SCOC: variants seen among roughly 807,000 people sequenced by gnomAD.
SCOC encodes the protein short coiled coil protein.
A neutral mutation model predicts 9.9 loss-of-function variants in SCOC; 7 were observed. That is an observed-to-expected ratio of 0.71 (90% CI 0.40 to 1.33). The LOEUF is 1.33. Among genes scored for constraint, SCOC ranks in the 40% most tolerant of loss-of-function variants. SCOC has a pLI of 0.01. For missense variants in SCOC, 66 were observed against 89.7 expected (o/e 0.74, Z 1.07); for synonymous variants, 19 against 28.2 (o/e 0.67, Z 1.03).
chr4:140,373,681 G>A lies in SCOC; in HGVS notation c.-87G>A. 1 of 1,550,688 alleles carries A rather than the reference G, an allele frequency of 6.4e-7. No individual in the cohort carries two copies. The highest frequency in any genetic ancestry group is 8.7e-7 in the Non-Finnish European group (1 of 1,146,928). ...CCAAGTGTCCCGGCCTGAGGTGTCG[G>A]CCGGATCCCTCCTTCTCCCGGCGCC... On this transcript the variant is annotated 5_prime_UTR_variant, in exon 1 of 4. Coordinates refer to ENST00000608372, the MANE Select transcript of SCOC (RefSeq NM_001153484.2).
At chr4:140,320,954 C>A (rs368817462) in intron 1 of SCOC, among the ~76,000 whole-genome samples, 1 of 152,100 alleles carries the variant, frequency 6.6e-6, no homozygotes. Context: ...TAAGAGGTCG[C>A]CCCTCTCCCT....
At chr4:140,366,623 C>T (rs2126569414) in intron 2 of SCOC, 1 of 1,606,640 alleles carries the variant, frequency 6.2e-7, no homozygotes, top group East Asian at 2.2e-5. Context: ...TTGATGTTTG[C>T]CTTCTGCCAG....
intron 2 of SCOC, among the ~76,000 whole-genome samples, chr4:140,354,347 T>C (rs1727112810): frequency 6.6e-6 from 1 of 152,152 alleles, no homozygotes; most frequent in Admixed American, 6.5e-5. Flanking sequence ...AAATGGAATT[T>C]CTGTAATAAA....
At chr4:140,373,930 T>G (rs1401143380) in intron 1 of SCOC, 10 of 699,784 alleles carry the variant, frequency 1.4e-5, no homozygotes, top group African/African-American at 1.4e-4. Context: ...CCTGTTTTCG[T>G]TGTCAGGCCC....
chr4:140,319,716 T>A (rs993563775), intron 1 of SCOC, among the ~76,000 whole-genome samples: 16 of 151,936 alleles, frequency 1.1e-4, no homozygotes, highest in Non-Finnish European at 2.2e-4. Flanking sequence ...AGCTCGGAGA[T>A]TTAAGAGGTT....
At chr4:140,292,184 T>C (rs1244051599) in intron 1 of SCOC, among the ~76,000 whole-genome samples, 1 of 142,508 alleles carries the variant, frequency 7.0e-6, no homozygotes, top group African/African-American at 3.0e-5. Context: ...AGCGGTACTC[T>C]TCTGGTTTTT....
intron 1 of SCOC, among the ~76,000 whole-genome samples, chr4:140,269,168 A>T (rs373390626): frequency 5.9e-5 from 9 of 152,242 alleles, no homozygotes; most frequent in African/African-American, 2.2e-4. Context: ...ACATTATGGG[A>T]TAGTTTAGAA....
chr4:140,356,328 C>A (rs866128392), intron 2 of SCOC, among the ~76,000 whole-genome samples: 2 of 152,164 alleles, frequency 1.3e-5, no homozygotes, highest in Non-Finnish European at 2.9e-5. Context: ...TTCTTACAAA[C>A]GAAGACTTTC....
intron 1 of SCOC, among the ~76,000 whole-genome samples, chr4:140,326,057 T>C (rs1462109770): frequency 6.6e-6 from 1 of 152,000 alleles, no homozygotes; most frequent in East Asian, 2.0e-4. Context: ...ATTCTGTAAG[T>C]GAAACAAGCC....
intron 2 of SCOC, among the ~76,000 whole-genome samples, chr4:140,357,592 AGTT>A (rs972848561): frequency 6.6e-6 from 1 of 152,200 alleles, no homozygotes; most frequent in Non-Finnish European, 1.5e-5. Flanking sequence ...GGGCTCCTGA[AGTT>A]GTTAACCTTA....
intron 1 of SCOC, among the ~76,000 whole-genome samples, chr4:140,259,243 C>T (rs1276888846): frequency 1.3e-5 from 2 of 152,212 alleles, no homozygotes; most frequent in Non-Finnish European, 2.9e-5. Context: ...TCTTTTGCAA[C>T]CCCATGTCCA....
intron 1 of SCOC, among the ~76,000 whole-genome samples, chr4:140,335,879 A>C (rs898367333): frequency 1.3e-5 from 2 of 152,150 alleles, no homozygotes; most frequent in East Asian, 3.8e-4. Flanking sequence ...CACACACACA[A>C]ACATACACAC....
At chr4:140,361,847 C>G (rs1727484568) in intron 2 of SCOC, among the ~76,000 whole-genome samples, 1 of 152,068 alleles carries the variant, frequency 6.6e-6, no homozygotes, top group South Asian at 2.1e-4. Flanking sequence ...ATGAAAGCTA[C>G]AAGATACTTT....
chr4:140,344,551 G>C (rs1329037948), intron 2 of SCOC, among the ~76,000 whole-genome samples: 1 of 152,160 alleles, frequency 6.6e-6, no homozygotes, highest in Admixed American at 6.5e-5. Flanking sequence ...AGTGCAGCCA[G>C]ACAATTAACA....
chr4:140,295,488 G>A (rs1180258741), intron 1 of SCOC, among the ~76,000 whole-genome samples: 2 of 152,212 alleles, frequency 1.3e-5, no homozygotes, highest in African/African-American at 4.8e-5. Flanking sequence ...ATCTGACAAT[G>A]GAGTAACAGA....
intron 1 of SCOC, among the ~76,000 whole-genome samples, chr4:140,304,820 C>T (rs545772082): frequency 7.9e-5 from 12 of 152,326 alleles, no homozygotes; most frequent in East Asian, 1.9e-4. Context: ...ACAAACCTAA[C>T]GCTGCCCTTT....
At chr4:140,305,232 G>T (rs573871146) in intron 1 of SCOC, among the ~76,000 whole-genome samples, 2 of 152,258 alleles carry the variant, frequency 1.3e-5, no homozygotes, top group African/African-American at 4.8e-5. Flanking sequence ...AGGTCTGAGG[G>T]TTTTCAGACC....
Position 140,379,131 on chromosome 4 carries a change from A to C in SCOC, c.-40A>C. 1.9e-6 allele frequency: 3 copies of C among 1,598,228 alleles called. No homozygotes were observed. The highest frequency in any genetic ancestry group is 2.6e-6 in the Non-Finnish European group (3 of 1,165,816). ...TTTTTCTTATTGTAGACCATTCCTC[A>C]AGAATTTTGTATCCAAGGCCCAAAA... On this transcript the variant is annotated 5_prime_UTR_variant, in exon 2 of 4. Transcript: ENST00000608372.
At chr4:140,370,536 A>C (rs1328045940), upstream of SCOC, among the ~76,000 whole-genome samples, 2 of 152,254 alleles carry the variant, frequency 1.3e-5, no homozygotes, top group African/African-American at 2.4e-5. Flanking sequence ...TAGAATAATT[A>C]AAAGATTCCC....
Sources: allele counts gnomAD v4.1 joint callset (sites outside exome capture counted in the v4.1 genomes callset), GRCh38; gene constraint gnomAD v4.1.1; transcripts MANE v1.5; gene names NCBI Gene and HGNC (gene_info 2026-07-23, HGNC 2026-07-21).